Variants in GPATCH8 observed in about 807,000 individuals in gnomAD.
GPATCH8 encodes G-patch domain containing 8, also known as G patch domain-containing protein 8.
A neutral mutation model predicts 118.3 loss-of-function variants in GPATCH8; 18 were observed. The ratio of observed to expected loss-of-function variants is 0.15; its 90% CI spans 0.11 to 0.23. The LOEUF (loss-of-function observed/expected upper bound fraction) is 0.23, where lower values mean the gene tolerates loss of function less well. GPATCH8 is among the 10% of genes least tolerant of loss of function. The pLI, the probability that GPATCH8 is intolerant of heterozygous loss-of-function variation, is 1.00. For synonymous variants in GPATCH8, 659 were observed against 684.7 expected (o/e 0.96, Z 0.59); for missense variants, 1,631 against 1,873.8 (o/e 0.87, Z 2.39).
chr17:44,494,841 A>T (rs371622684), intron 1 of GPATCH8, among the ~76,000 whole-genome samples: 6 of 152,212 alleles, frequency 3.9e-5, no homozygotes, highest in African/African-American at 9.6e-5. Context: ...ACAGCATTAA[A>T]ATAAAATTTA....
chr17:44,431,145 C>A (rs1283474071), intron 5 of GPATCH8, among the ~76,000 whole-genome samples: 5 of 150,822 alleles, frequency 3.3e-5, no homozygotes, highest in Non-Finnish European at 7.4e-5. Context: ...CTGAGGCAGG[C>A]GGATCACTTG....
intron 5 of GPATCH8, among the ~76,000 whole-genome samples, chr17:44,431,632 C>T (rs939515838): frequency 6.6e-6 from 1 of 151,670 alleles, no homozygotes; most frequent in Non-Finnish European, 1.5e-5. Flanking sequence ...AGCTATTTGG[C>T]TCTAAGACTA....
intron 6 of GPATCH8, among the ~76,000 whole-genome samples, chr17:44,420,389 G>GA (rs2049853993): frequency 6.6e-6 from 1 of 152,136 alleles, no homozygotes; most frequent in Non-Finnish European, 1.5e-5. Flanking sequence ...AATTAATTCT[G>GA]ATAGAATAGG....
intron 1 of GPATCH8, among the ~76,000 whole-genome samples, chr17:44,480,364 G>A (rs757154873): frequency 1.3e-5 from 2 of 151,132 alleles, no homozygotes; most frequent in East Asian, 2.0e-4. Flanking sequence ...GGAGAATCAC[G>A]AGGTCAGGAA....
intron 2 of GPATCH8, among the ~76,000 whole-genome samples, chr17:44,474,169 G>A (rs181232554): frequency 6.6e-6 from 1 of 152,014 alleles, no homozygotes; most frequent in African/African-American, 2.4e-5. Context: ...TAAAAATAAC[G>A]GGTTTTTCAA....
chr17:44,486,524 C>T (rs1199005206), intron 1 of GPATCH8: 1 of 152,052 alleles, frequency 6.6e-6, no homozygotes, highest in African/African-American at 2.4e-5. Context: ...TTAATCTTAC[C>T]TCTAAATATG....
intron 6 of GPATCH8, among the ~76,000 whole-genome samples, chr17:44,416,433 C>T (rs933059456): frequency 2.0e-5 from 3 of 152,114 alleles, no homozygotes; most frequent in Admixed American, 6.5e-5. Context: ...ATGAAACATG[C>T]TAAATTTTTG....
intron 1 of GPATCH8, among the ~76,000 whole-genome samples, chr17:44,493,328 T>C (rs1362130426): frequency 6.6e-6 from 1 of 152,178 alleles, no homozygotes; most frequent in Admixed American, 6.6e-5. Context: ...CCCAAAGTGC[T>C]GGGATTACAG....
chr17:44,400,988 G>A lies in GPATCH8; in HGVS notation c.1089C>T (p.Asp363=). 1 of 1,613,626 alleles carries A rather than the reference G, an allele frequency of 6.2e-7. No individual in the cohort carries two copies. Among genetic ancestry groups the A allele is most frequent in the South Asian group, 1.1e-5 (1 of 91,070 alleles). Residue 363 remains aspartate, a synonymous_variant, in exon 8 of 8, where the codon GAC becomes GAT. Coordinates refer to ENST00000591680, the MANE Select transcript of GPATCH8 (RefSeq NM_001002909.4). ...SNLDGKKEDE[D]PQDGGSLAST... is the part of the protein sequence containing the mutation. ...AGGCAAGGGACCCTCCATCCTGAGG[G>A]TCTTCATCCTCTTTTTTACCATCAA...
chr17:44,481,745 GTAT>G (rs1341792096), intron 1 of GPATCH8, among the ~76,000 whole-genome samples: 1 of 152,156 alleles, frequency 6.6e-6, no homozygotes, highest in Non-Finnish European at 1.5e-5. Context: ...TCTAAAAAAT[GTAT>G]TTTTTGAATA....
intron 3 of GPATCH8, among the ~76,000 whole-genome samples, chr17:44,455,426 G>GGAGGTA (rs1474138731): frequency 1.3e-5 from 2 of 151,938 alleles, no homozygotes; most frequent in Admixed American, 6.6e-5. Context: ...GCTTGAACCA[G>GGAGGTA]GAGGTAGAGG....
At chr17:44,451,838 G>A (rs761533270) in intron 3 of GPATCH8, among the ~76,000 whole-genome samples, 3 of 151,948 alleles carry the variant, frequency 2.0e-5, no homozygotes, top group Non-Finnish European at 2.9e-5. Context: ...ATTTCAATTC[G>A]GTGGCACTGG....
At chr17:44,449,465 A>C (rs888537327) in intron 3 of GPATCH8, among the ~76,000 whole-genome samples, 1 of 150,572 alleles carries the variant, frequency 6.6e-6, no homozygotes, top group Non-Finnish European at 1.5e-5. Context: ...AGCCTCCCAA[A>C]GTGCTGGGGT....
At chr17:44,471,708 C>G (rs1195390505) in intron 2 of GPATCH8, among the ~76,000 whole-genome samples, 1 of 152,044 alleles carries the variant, frequency 6.6e-6, no homozygotes, top group Non-Finnish European at 1.5e-5. Context: ...CTTAATATAG[C>G]CAGCCAGCCA....
chr17:44,430,258 C>T (rs919491863), intron 5 of GPATCH8, among the ~76,000 whole-genome samples: 6 of 152,078 alleles, frequency 3.9e-5, no homozygotes, highest in African/African-American at 1.4e-4. Flanking sequence ...TTTCTGTGTA[C>T]AGATGCAAAA....
intron 3 of GPATCH8, among the ~76,000 whole-genome samples, chr17:44,462,087 A>G (rs1205572732): frequency 6.6e-6 from 1 of 152,054 alleles, no homozygotes; most frequent in Non-Finnish European, 1.5e-5. Flanking sequence ...TCTTAAACAC[A>G]TTATCTATCT....
intron 3 of GPATCH8, among the ~76,000 whole-genome samples, chr17:44,463,623 A>C (rs1411569244): frequency 6.6e-6 from 1 of 151,952 alleles, no homozygotes; most frequent in Non-Finnish European, 1.5e-5. Context: ...CTCATGATCC[A>C]CCTGCCTCGG....
In GPATCH8 at chr17:44,401,316, G is replaced by C; in HGVS notation, c.761C>G (p.Ser254Cys). The C allele has an allele frequency of 1.9e-6, 3 of 1,610,522 alleles. No individual in the cohort carries two copies. The highest frequency in any genetic ancestry group is 2.5e-6 in the Non-Finnish European group (3 of 1,178,138). The change falls in exon 8 of 8, where the codon TCC becomes TGC. Residue 254 changes from serine (S) to cysteine (C), a missense_variant. Coordinates refer to ENST00000591680, the MANE Select transcript of GPATCH8 (RefSeq NM_001002909.4). ...TASCGLGSEF[S>C]TDKGGPFTAV... Reference sequence around the variant, plus strand: ...AGTGAAAGGGCCTCCTTTATCTGTGGAGAATTCAGATCCCAGGCCACAAGA... The same window carrying C: ...AGTGAAAGGGCCTCCTTTATCTGTGCAGAATTCAGATCCCAGGCCACAAGA...
At position 44,464,564 on chromosome 17, in the gene GPATCH8, G is replaced by A. The variant is rs1192762089; in HGVS notation, c.121-20C>T. 1 of 1,415,442 alleles carries A rather than the reference G, an allele frequency of 7.1e-7. No homozygotes were observed. The highest frequency in any genetic ancestry group is 1.7e-5 in the Admixed American group (1 of 59,776). 87.7% of individuals were successfully genotyped at this position (1,415,442 alleles called of 1,614,324 possible). On this transcript the variant is annotated intron_variant, in intron 2 of 7. Transcript: ENST00000591680. ...ATTATCCTGACAGACAGAACAGAGA[G>A]ACAAACCAAAAATATTCCAATAATA...
Sources: gnomAD v4.1 joint callset for allele counts (sites outside exome capture counted in the v4.1 genomes callset) on GRCh38, gnomAD v4.1.1 for gene constraint, MANE v1.5 for transcripts, NCBI Gene and HGNC (gene_info 2026-07-23, HGNC 2026-07-21) for gene names.